The following PCDHGA9 variants were observed in gnomAD, a reference collection of about 807,000 sequenced individuals.
PCDHGA9 encodes protocadherin gamma subfamily A, 9, also known as protocadherin gamma-A9.
Under a neutral mutation model 62.5 loss-of-function variants are expected in PCDHGA9, and 37 were observed. The observed-to-expected ratio is 0.59, with a 90% CI of 0.46 to 0.78. The LOEUF (loss-of-function observed/expected upper bound fraction) is 0.78, where lower values mean the gene tolerates loss of function less well. Ranked by LOEUF, PCDHGA9 falls within the 30% of genes least tolerant of loss-of-function variation. PCDHGA9 has a pLI of 0.00. For synonymous variants in PCDHGA9, 459 were observed against 484.6 expected, an observed-to-expected ratio of 0.95 and a Z score of 0.69; for missense variants, 1,138 against 1,166.2, an observed-to-expected ratio of 0.98 and a Z score of 0.35.
At chr5:141,407,767 G>T (rs1458257073) in intron 1 of PCDHGA9, among the ~76,000 whole-genome samples, 1 of 152,140 alleles carries the variant, frequency 6.6e-6, no homozygotes, top group Non-Finnish European at 1.5e-5. Context: ...GTTTGAAATT[G>T]TGCATAATAG....
rs534356534 is a variant in PCDHGA9 at position 141,432,344 on chromosome 5, C to G, written c.2424+26968C>G. ...CGACTACGAGCAGTTCCGAGACTTG[C>G]AAGTGAAAGTGATGGCGCGGGACAA... is the stretch of plus-strand genomic sequence containing the variant. On this transcript the variant is annotated intron_variant, in intron 1 of 3. Coordinates refer to ENST00000573521, the MANE Select transcript of PCDHGA9 (RefSeq NM_018921.3). This position sits in a 1 kb window ranked among gnomAD's most constrained non-coding sequence, Gnocchi z 6.0. 1.9e-5 allele frequency: 30 copies of G among 1,614,238 alleles called. No individual in the cohort carries two copies. In the East Asian group the frequency reaches 2.5e-4, roughly 13 times the overall value.
chr5:141,418,740 T>C, intron 1 of PCDHGA9: 1 of 1,613,972 alleles, frequency 6.2e-7, no homozygotes, highest in Admixed American at 1.7e-5. Context: ...GTGTTCTCTC[T>C]GGATTACACT....
At chr5:141,421,371 T>C in intron 1 of PCDHGA9, 2 of 1,614,028 alleles carry the variant, frequency 1.2e-6, no homozygotes, top group Non-Finnish European at 1.7e-6. Flanking sequence ...TCGTGGGCAA[T>C]ATCTCCAAGG....
chr5:141,472,865 A>G (rs1329594490), intron 1 of PCDHGA9, among the ~76,000 whole-genome samples: 3 of 149,558 alleles, frequency 2.0e-5, no homozygotes, highest in Non-Finnish European at 4.5e-5. Flanking sequence ...ACATGCCTGT[A>G]TTCCCAGCTA....
intron 1 of PCDHGA9, among the ~76,000 whole-genome samples, chr5:141,464,162 G>A (rs1030872607): frequency 6.6e-6 from 1 of 151,946 alleles, no homozygotes; most frequent in African/African-American, 2.4e-5. Context: ...CTACTTGGAA[G>A]GCTGAGGCAG....
At chr5:141,424,772 G>A (rs2096839878) in intron 1 of PCDHGA9, 1 of 152,086 alleles carries the variant, frequency 6.6e-6, no homozygotes, top group Non-Finnish European at 1.5e-5. Flanking sequence ...ATGGCAAATA[G>A]TACATTCAGT....
intron 1 of PCDHGA9, among the ~76,000 whole-genome samples, chr5:141,492,854 G>A (rs1361942466): frequency 6.6e-6 from 1 of 152,212 alleles, no homozygotes; most frequent in Non-Finnish European, 1.5e-5. Flanking sequence ...AAAGCCTCGA[G>A]CGCCCTGGCT....
At chr5:141,426,538 C>T (rs1038881219) in intron 1 of PCDHGA9, 2 of 346,308 alleles carry the variant, frequency 5.8e-6, no homozygotes, top group Non-Finnish European at 1.2e-5. Context: ...TGGGAACATA[C>T]TTGTGAGTGA....
chr5:141,409,561 C>T (rs1296401858), intron 1 of PCDHGA9: 4 of 1,613,986 alleles, frequency 2.5e-6, no homozygotes, highest in Non-Finnish European at 3.4e-6. Context: ...CAGTTTTCGA[C>T]CAGACGTCCT....
intron 1 of PCDHGA9, chr5:141,428,390 C>T (rs1043799152): frequency 8.0e-5 from 40 of 502,004 alleles, no homozygotes; most frequent in African/African-American, 6.6e-4. Context: ...TCTTCCAGCC[C>T]CTCTGCCTGG....
At chr5:141,482,755 T>TGAAGTGGGAG (rs1554165462) in intron 1 of PCDHGA9, among the ~76,000 whole-genome samples, 1 of 143,580 alleles carries the variant, frequency 7.0e-6, no homozygotes, top group South Asian at 2.1e-4. Context: ...GGGATTATGG[T>TGAAGTGGGAG]ATTTCATTAT....
intron 1 of PCDHGA9, among the ~76,000 whole-genome samples, chr5:141,488,238 C>T (rs374846692): frequency 5.3e-5 from 8 of 152,036 alleles, no homozygotes; most frequent in Non-Finnish European, 1.0e-4. Flanking sequence ...GAACTAGATG[C>T]GGTAAATTGG....
At chr5:141,438,487 G>T (rs1030201971) in intron 1 of PCDHGA9, among the ~76,000 whole-genome samples, 9 of 150,284 alleles carry the variant, frequency 6.0e-5, no homozygotes, top group African/African-American at 2.2e-4. Flanking sequence ...GTCTCTTGGA[G>T]AAAAAAGAAT....
chr5:141,458,385 C>T (rs1371423838), intron 1 of PCDHGA9, among the ~76,000 whole-genome samples: 15 of 152,104 alleles, frequency 9.9e-5, no homozygotes, highest in East Asian at 1.9e-4. Context: ...AGAAGGAAGA[C>T]GCTCCCCCTT....
chr5:141,459,285 A>G (rs1316912878), intron 1 of PCDHGA9, among the ~76,000 whole-genome samples: 1 of 152,202 alleles, frequency 6.6e-6, no homozygotes, highest in Non-Finnish European at 1.5e-5. Context: ...TTTCATCTAA[A>G]TGGAATCCTA....
intron 1 of PCDHGA9, chr5:141,428,003 C>A (rs1175875944): frequency 2.5e-6 from 4 of 1,601,244 alleles, no homozygotes; most frequent in Non-Finnish European, 3.4e-6. Context: ...CCGCACTCTT[C>A]GATATAGTGC....
intron 1 of PCDHGA9, chr5:141,418,232 G>A (rs1034684988): frequency 6.2e-7 from 1 of 1,614,066 alleles, no homozygotes; most frequent in Non-Finnish European, 8.5e-7. Flanking sequence ...GGTGATTGAG[G>A]ATGTTAATGA....
intron 1 of PCDHGA9, among the ~76,000 whole-genome samples, chr5:141,439,208 C>A: frequency 6.6e-6 from 1 of 151,294 alleles, no homozygotes. Flanking sequence ...AAAAAAAATC[C>A]ATATGTGAAA....
At position 141,431,918 on chromosome 5, in the gene PCDHGA9, C is replaced by T; in HGVS notation, c.2424+26542C>T. On this transcript the variant is annotated intron_variant, in intron 1 of 3. Transcript: ENST00000573521. This position sits in a 1 kb window ranked among gnomAD's most constrained non-coding sequence, Gnocchi z 4.8. Reference sequence around the variant, plus strand: ...AAACGGACAGGTGATCTGTTTCATCCAAGGAAATCTGCCCTTTAAATTAGA... The same window carrying T: ...AAACGGACAGGTGATCTGTTTCATCTAAGGAAATCTGCCCTTTAAATTAGA... The T allele has an allele frequency of 6.2e-7, 1 of 1,613,998 alleles. No individual in the cohort carries two copies. The highest frequency in any genetic ancestry group is 8.5e-7 in the Non-Finnish European group (1 of 1,179,862).
Sources: allele counts gnomAD v4.1 joint callset (sites outside exome capture counted in the v4.1 genomes callset), GRCh38; gene constraint gnomAD v4.1.1; non-coding constraint Gnocchi (gnomAD v3.1); transcripts MANE v1.5; gene names NCBI Gene and HGNC (gene_info 2026-07-23, HGNC 2026-07-21).